Variants in ATP8A1 observed in about 807,000 individuals in gnomAD.
ATP8A1 encodes the protein phospholipid-transporting ATPase IA.
Under a neutral mutation model 177.7 loss-of-function variants are expected in ATP8A1, and 90 were observed. The observed-to-expected ratio is 0.51, with a 90% confidence interval of 0.43 to 0.60. ATP8A1 has a LOEUF of 0.60. Ranked by LOEUF, ATP8A1 falls within the 20% of genes least tolerant of loss-of-function variation. The pLI is 0.00. For synonymous variants in ATP8A1, 493 were observed against 485.9 expected, an observed-to-expected ratio of 1.01 and a Z score of -0.19; for missense variants, 1,072 against 1,392.8, an observed-to-expected ratio of 0.77 and a Z score of 3.67.
intron 24 of ATP8A1, among the ~76,000 whole-genome samples, chr4:42,490,251 T>C (rs1722609733): frequency 6.6e-6 from 1 of 152,180 alleles, no homozygotes; most frequent in African/African-American, 2.4e-5. Context: ...CTACTATGCT[T>C]TCTTGCCTTG....
intron 1 of ATP8A1, among the ~76,000 whole-genome samples, chr4:42,630,419 C>T (rs1211031739): frequency 7.2e-5 from 11 of 152,130 alleles, no homozygotes; most frequent in South Asian, 6.2e-4. Flanking sequence ...AAAACTCTGA[C>T]GCTTTTATGT....
At chr4:42,558,683 A>T (rs1397664256) in intron 15 of ATP8A1, among the ~76,000 whole-genome samples, 2 of 152,210 alleles carry the variant, frequency 1.3e-5, no homozygotes, top group Admixed American at 1.3e-4. Flanking sequence ...GGAAGAAAAG[A>T]GCTGAATCCA....
intron 27 of ATP8A1, among the ~76,000 whole-genome samples, chr4:42,456,208 C>A (rs932592435): frequency 1.3e-5 from 2 of 152,162 alleles, no homozygotes; most frequent in East Asian, 3.9e-4. Flanking sequence ...GGATATGTAA[C>A]CTCTACAATG....
intron 27 of ATP8A1, 65 bp from the exon 28 acceptor site, chr4:42,455,664 T>C: frequency 1.4e-6 from 2 of 1,407,028 alleles, no homozygotes; most frequent in Non-Finnish European, 2.0e-6. Flanking sequence ...GCTTAGAATC[T>C]GTTGTATACT....
At chr4:42,453,699 T>C (rs1718176236) in intron 29 of ATP8A1, among the ~76,000 whole-genome samples, 1 of 152,208 alleles carries the variant, frequency 6.6e-6, no homozygotes, top group Non-Finnish European at 1.5e-5. Context: ...AAGAATGGCA[T>C]GGCCAAATTT....
chr4:42,634,915 T>C (rs1739120377), intron 1 of ATP8A1, among the ~76,000 whole-genome samples: 2 of 152,192 alleles, frequency 1.3e-5, no homozygotes, highest in African/African-American at 4.8e-5. Context: ...AATGTGAGGA[T>C]GACATTATGT....
intron 27 of ATP8A1, among the ~76,000 whole-genome samples, chr4:42,460,878 A>G (rs1329178889): frequency 6.6e-6 from 1 of 152,232 alleles, no homozygotes; most frequent in Admixed American, 6.5e-5. Context: ...GAGCTCCAAC[A>G]GGGACATGAA....
chr4:42,413,172 A>G (rs1712820220), intron 36 of ATP8A1, among the ~76,000 whole-genome samples, 159 bp from the exon 37 acceptor site: 1 of 152,164 alleles, frequency 6.6e-6, no homozygotes, highest in Non-Finnish European at 1.5e-5. Flanking sequence ...AAAGATACAG[A>G]CTTAACTTCA....
At chr4:42,556,840 T>G (rs1178824071) in intron 15 of ATP8A1, among the ~76,000 whole-genome samples, 1 of 152,122 alleles carries the variant, frequency 6.6e-6, no homozygotes, top group African/African-American at 2.4e-5. Flanking sequence ...TGAGGTTTAG[T>G]GCACAGAAGA....
chr4:42,519,787 C>T (rs1046204060), intron 22 of ATP8A1, among the ~76,000 whole-genome samples: 2 of 152,156 alleles, frequency 1.3e-5, no homozygotes, highest in Non-Finnish European at 2.9e-5. Flanking sequence ...GAGAGCATGG[C>T]TTACTATGAA....
intron 33 of ATP8A1, among the ~76,000 whole-genome samples, chr4:42,436,454 C>T (rs921603439): frequency 1.1e-4 from 17 of 152,226 alleles, no homozygotes; most frequent in East Asian, 3.8e-4. Context: ...TTCACGATTA[C>T]GTTTGTCATA....
At chr4:42,421,699 C>T (rs1164017499) in intron 35 of ATP8A1, among the ~76,000 whole-genome samples, 2 of 152,046 alleles carry the variant, frequency 1.3e-5, no homozygotes, top group African/African-American at 4.8e-5. Flanking sequence ...ACAACTACTC[C>T]ATTGTGTCAA....
In ATP8A1 at chr4:42,455,372, T is replaced by C. The variant is rs1718366082; in HGVS notation, c.2742A>G (p.Ser914=). ...ACTTCAACATGTTCTCTTTTCTGCA[T>C]GATCTCTCAAATATTCCAAGAGTTA... ...PPLTLGIFER[S]CRKENMLKYP... is the part of the protein sequence containing the mutation. The change falls in exon 29 of 37, where the codon TCA becomes TCG. Residue 914 remains serine (S), a synonymous_variant. Coordinates refer to ENST00000381668, the MANE Select transcript of ATP8A1 (RefSeq NM_006095.2). The C allele has an allele frequency of 2.5e-6, 4 of 1,613,992 alleles. No homozygotes were observed. Among genetic ancestry groups the C allele is most frequent in the Middle Eastern group, 1.6e-4 (1 of 6,062 alleles).
At chr4:42,653,693 TG>T (rs1326012331) in intron 1 of ATP8A1, among the ~76,000 whole-genome samples, 2 of 152,236 alleles carry the variant, frequency 1.3e-5, no homozygotes, top group Non-Finnish European at 2.9e-5. Context: ...TATTATATAT[TG>T]GAGTTAGGCT....
chr4:42,607,094 A>G (rs576025435), intron 5 of ATP8A1, among the ~76,000 whole-genome samples: 1 of 152,320 alleles, frequency 6.6e-6, no homozygotes, highest in South Asian at 2.1e-4. Context: ...TTCTTTGAAA[A>G]TATTACAGAA....
rs1320123790 is a variant in ATP8A1 at position 42,411,647 on chromosome 4, T to A, written c.*1269A>T. ...TGAAAATAATTGAACTGAAGATACATTTTAAAACATACTAACAAAAGCTAC... is the reference window on the plus strand; with the variant it reads ...TGAAAATAATTGAACTGAAGATACAATTTAAAACATACTAACAAAAGCTAC... On this transcript the variant is annotated 3_prime_UTR_variant, in exon 37 of 37. Coordinates refer to ENST00000381668, the MANE Select transcript of ATP8A1 (RefSeq NM_006095.2). 6.6e-6 allele frequency: 1 copy of A among 152,214 alleles called. No homozygotes were observed. Among genetic ancestry groups the A allele is most frequent in the African/African-American group, 2.4e-5 (1 of 41,456 alleles). 9.4% of individuals were successfully genotyped at this position (152,214 alleles called of 1,614,324 possible). A position where few individuals can be genotyped will look rare whatever the true frequency, so the allele number is the denominator to read the frequency against.
rs575737003 is a variant in ATP8A1, at chr4:42,502,794, G to C, written c.2151+656C>G. Among the ~76,000 whole-genome samples, 145 of 152,310 alleles carry C rather than the reference G, an allele frequency of 9.5e-4. 2 individuals are homozygous for C. The highest frequency in any genetic ancestry group is 9.3e-3 in the Admixed American group (143 of 15,304). On this transcript the variant is annotated intron_variant, in intron 24 of 36. Transcript: ENST00000381668. ...GTCATAATGACTATTTTAAGAAGTT[G>C]TATAATCACCTCTACGGCTCTGTCT...
intron 20 of ATP8A1, among the ~76,000 whole-genome samples, chr4:42,533,084 G>A (rs1287600506): frequency 1.3e-5 from 2 of 152,150 alleles, no homozygotes; most frequent in Non-Finnish European, 2.9e-5. Context: ...TCACACGGAC[G>A]TGCGTGACAT....
Position 42,492,162 on chromosome 4 carries a change from C to T in ATP8A1, c.2152-6494G>A, listed in dbSNP as rs146912682. Among the ~76,000 whole-genome samples the T allele has an allele frequency of 2.3e-3, 355 of 152,264 alleles. 2 individuals are homozygous for T. The highest frequency in any genetic ancestry group is 7.2e-3 in the African/African-American group (301 of 41,568). On this transcript the variant is annotated intron_variant, in intron 24 of 36. Coordinates refer to ENST00000381668, the MANE Select transcript of ATP8A1 (RefSeq NM_006095.2). ...AAGGAAAAAGCCTGTCTATACTTAT[C>T]TAAAGTATACTTTGGCATTTAGGTC...
Sources: allele counts gnomAD v4.1 joint callset (sites outside exome capture counted in the v4.1 genomes callset), GRCh38; gene constraint gnomAD v4.1.1; transcripts MANE v1.5; gene names NCBI Gene and HGNC (gene_info 2026-07-23, HGNC 2026-07-21).